The following NLGN1 variants were observed in gnomAD, a reference collection of about 807,000 sequenced individuals.
NLGN1 encodes the protein neuroligin 1.
A neutral mutation model predicts 65.5 loss-of-function variants in NLGN1; 12 were observed. The observed-to-expected ratio is 0.18, with a 90% CI of 0.12 to 0.30. NLGN1 has a LOEUF of 0.30. Among genes scored for constraint, NLGN1 ranks in the 10% least tolerant of loss-of-function variants. NLGN1 has a pLI of 1.00. For missense variants in NLGN1, 750 were observed against 1,007.1 expected, an observed-to-expected ratio of 0.74 and a Z score of 3.46; for synonymous variants, 350 against 359.5, an observed-to-expected ratio of 0.97 and a Z score of 0.30.
intron 3 of NLGN1, among the ~76,000 whole-genome samples, chr3:173,776,481 C>T (rs569233294): frequency 2.0e-5 from 3 of 152,066 alleles, no homozygotes; most frequent in South Asian, 4.1e-4. Flanking sequence ...ATAAAATCAG[C>T]GGGCATTGAT....
chr3:173,756,111 C>G (rs1777072650), intron 3 of NLGN1, among the ~76,000 whole-genome samples: 1 of 148,612 alleles, frequency 6.7e-6, no homozygotes, highest in Non-Finnish European at 1.5e-5. Context: ...TTAATGATAT[C>G]TACATTAATG....
At chr3:173,832,416 T>C (rs2029333) in intron 4 of NLGN1, among the ~76,000 whole-genome samples, 109,456 of 152,154 alleles carry the variant, frequency 0.72, 39,809 homozygotes, top group Non-Finnish European at 0.75. Context: ...AATACAGGAT[T>C]GATATTCTTT....
chr3:174,204,242 A>G (rs1735021307), intron 4 of NLGN1, among the ~76,000 whole-genome samples: 1 of 152,178 alleles, frequency 6.6e-6, no homozygotes, highest in South Asian at 2.1e-4. Context: ...CTAATTCCAG[A>G]GCAATTTTGT....
intron 1 of NLGN1, among the ~76,000 whole-genome samples, chr3:173,420,656 C>G (rs672241): frequency 0.27 from 41,505 of 151,986 alleles, 5,853 homozygotes; most frequent in Middle Eastern, 0.4. Flanking sequence ...ATTGCCACAC[C>G]GACTTCCACA....
intron 3 of NLGN1, among the ~76,000 whole-genome samples, chr3:173,667,864 C>A (rs938492568): frequency 2.0e-5 from 3 of 152,138 alleles, no homozygotes; most frequent in South Asian, 4.1e-4. Flanking sequence ...AACTCCTGAC[C>A]TCATGATCCG....
chr3:173,396,502 T>C (rs1414000686), upstream of NLGN1: 1 of 152,196 alleles, frequency 6.6e-6, no homozygotes, highest in African/African-American at 2.4e-5. Flanking sequence ...TTTTCGTCTC[T>C]CCTCCCCACG....
intron 4 of NLGN1, among the ~76,000 whole-genome samples, chr3:174,034,718 CA>C (rs1168440178): frequency 6.6e-6 from 1 of 151,946 alleles, no homozygotes; most frequent in Non-Finnish European, 1.5e-5. Context: ...AAAAAAGAAT[CA>C]GATAAAATGC....
intron 1 of NLGN1, among the ~76,000 whole-genome samples, chr3:173,400,356 A>G (rs546525737): frequency 4.6e-5 from 7 of 152,268 alleles, no homozygotes; most frequent in East Asian, 3.9e-4. Context: ...ATGCCACTCA[A>G]TGCTTTTCAC....
intron 4 of NLGN1, among the ~76,000 whole-genome samples, chr3:173,850,735 T>G (rs1578782332): frequency 6.6e-6 from 1 of 152,118 alleles, no homozygotes; most frequent in Non-Finnish European, 1.5e-5. Flanking sequence ...AATTTTGTTT[T>G]GTTGTTGTTT....
chr3:173,572,012 T>C (rs1028362637), intron 2 of NLGN1, among the ~76,000 whole-genome samples: 4 of 152,232 alleles, frequency 2.6e-5, no homozygotes, highest in African/African-American at 9.6e-5. Context: ...CTCTAAGAAG[T>C]TATTACTCAG....
chr3:173,554,574 C>T (rs2149274447), intron 2 of NLGN1, among the ~76,000 whole-genome samples: 1 of 152,282 alleles, frequency 6.6e-6, no homozygotes, highest in South Asian at 2.1e-4. Context: ...TTGTGTTTGA[C>T]TTCTCTGGAT....
At chr3:173,781,605 C>T (rs566270210) in intron 3 of NLGN1, among the ~76,000 whole-genome samples, 5 of 152,188 alleles carry the variant, frequency 3.3e-5, no homozygotes, top group South Asian at 2.1e-4. Flanking sequence ...CTCCTTGAAA[C>T]GTATTGAATA....
At chr3:174,229,120 G>A (rs1332671444) in intron 4 of NLGN1, among the ~76,000 whole-genome samples, 2 of 151,932 alleles carry the variant, frequency 1.3e-5, no homozygotes, top group Non-Finnish European at 2.9e-5. Flanking sequence ...CTTCTTCACT[G>A]TAAAGCAGTG....
At chr3:173,684,002 T>C (rs940207278) in intron 3 of NLGN1, among the ~76,000 whole-genome samples, 1 of 152,168 alleles carries the variant, frequency 6.6e-6, no homozygotes, top group Non-Finnish European at 1.5e-5. Flanking sequence ...TATATGATTA[T>C]GATTTACATA....
intron 4 of NLGN1, among the ~76,000 whole-genome samples, chr3:173,830,214 A>G (rs1450245949): frequency 3.3e-5 from 5 of 152,124 alleles, no homozygotes; most frequent in Admixed American, 1.3e-4. Flanking sequence ...TAGTATTCCC[A>G]TTCAACCCCC....
chr3:174,181,641 A>G (rs764397935), intron 4 of NLGN1, among the ~76,000 whole-genome samples: 1 of 152,108 alleles, frequency 6.6e-6, no homozygotes, highest in Non-Finnish European at 1.5e-5. Flanking sequence ...AAAAATGTCT[A>G]TAGTCAGCCG....
chr3:174,265,615 T>C (rs1175756618), intron 4 of NLGN1, among the ~76,000 whole-genome samples: 2 of 151,846 alleles, frequency 1.3e-5, no homozygotes, highest in Non-Finnish European at 2.9e-5. Context: ...GTACCTCAGA[T>C]GGAAATGCAG....
chr3:173,481,000 A>G (rs1223293735), intron 2 of NLGN1, among the ~76,000 whole-genome samples: 3 of 152,082 alleles, frequency 2.0e-5, no homozygotes, highest in Admixed American at 2.0e-4. Context: ...ACATTAACTC[A>G]TTTAATCTTC....
chr3:174,192,340 G>C (rs1018963964), intron 4 of NLGN1, among the ~76,000 whole-genome samples: 1 of 151,996 alleles, frequency 6.6e-6, no homozygotes, highest in Non-Finnish European at 1.5e-5. Context: ...GATTTTTTGC[G>C]TGCTTGATGG....
Sources: allele counts gnomAD v4.1 joint callset (sites outside exome capture counted in the v4.1 genomes callset), GRCh38; gene constraint gnomAD v4.1.1; transcripts MANE v1.5; gene names NCBI Gene and HGNC (gene_info 2026-07-23, HGNC 2026-07-21).